The following ZFYVE9 variants were observed in gnomAD, a reference collection of about 807,000 sequenced individuals.
ZFYVE9 encodes the protein zinc finger FYVE-type containing 9, also known as zinc finger FYVE domain-containing protein 9.
A neutral mutation model predicts 126.7 loss-of-function variants in ZFYVE9; 43 were observed. The ratio of observed to expected loss-of-function variants is 0.34; its 90% CI spans 0.27 to 0.44. ZFYVE9 has a LOEUF of 0.44. Ranked by LOEUF, ZFYVE9 falls within the 20% of genes least tolerant of loss-of-function variation. ZFYVE9 has a pLI of 1.00. For synonymous variants in ZFYVE9, 521 were observed against 597.4 expected, an observed-to-expected ratio of 0.87 and a Z score of 1.87; for missense variants, 1,476 against 1,697.0, an observed-to-expected ratio of 0.87 and a Z score of 2.29.
chr1:52,322,678 G>A (rs1646252555), intron 13 of ZFYVE9, among the ~76,000 whole-genome samples: 1 of 150,350 alleles, frequency 6.7e-6, no homozygotes, highest in Non-Finnish European at 1.5e-5. Flanking sequence ...GCCCAGCCTG[G>A]TCCTTTCAAA....
intron 17 of ZFYVE9, among the ~76,000 whole-genome samples, chr1:52,342,214 G>T (rs1412647578): frequency 6.6e-6 from 1 of 151,406 alleles, no homozygotes. Flanking sequence ...TAAGCTAGGG[G>T]TTGCTATATA....
chr1:52,340,256 T>G (rs1646422003), intron 17 of ZFYVE9, 25 bp downstream of exon 17: 1 of 1,582,910 alleles, frequency 6.3e-7, no homozygotes, highest in African/African-American at 1.3e-5. Context: ...CTTGGCATAC[T>G]TGACCCACTT....
At chr1:52,204,099 C>T (rs1268044499) in intron 1 of ZFYVE9, among the ~76,000 whole-genome samples, 6 of 149,752 alleles carry the variant, frequency 4.0e-5, no homozygotes, top group African/African-American at 1.2e-4. Flanking sequence ...TTTTTTTTAA[C>T]CTTATGCCTT....
rs560127169 is a variant in ZFYVE9, at chr1:52,142,662, G to C, written c.-143+259G>C. On this transcript the variant is annotated intron_variant, in intron 1 of 18. Transcript: ENST00000287727. The surrounding 1 kb of genome is among the most constrained non-coding windows in gnomAD (Gnocchi z 4.5). Reference sequence around the variant, plus strand: ...CGCGGCCGGGTGTGTGGAGCTGGGGGCCGGCAGGAGCACGGCCGCCTTTCG... The same window carrying C: ...CGCGGCCGGGTGTGTGGAGCTGGGGCCCGGCAGGAGCACGGCCGCCTTTCG... Among the ~76,000 whole-genome samples, 3 of 152,254 alleles carry C rather than the reference G, an allele frequency of 2.0e-5. No individual in the cohort carries two copies. In the East Asian group the frequency reaches 5.9e-4, roughly 30 times the overall value.
At chr1:52,150,989 CTTT>C (rs57055558) in intron 1 of ZFYVE9, among the ~76,000 whole-genome samples, 1 of 127,630 alleles carries the variant, frequency 7.8e-6, no homozygotes. Context: ...TGATAATTGT[CTTT>C]TTTTTTTTTT....
chr1:52,170,049 G>T lies in ZFYVE9; in HGVS notation c.-143+27646G>T, dbSNP rs140484526. ...TAAGAAGATTTTGAAAAATTTTATT[G>T]CTCTTTTTTAAAAATTCTTCCTATC... On this transcript the variant is annotated intron_variant, in intron 1 of 18. Transcript: ENST00000287727. Among the ~76,000 whole-genome samples, 589 of 152,168 alleles carry T rather than the reference G, an allele frequency of 3.9e-3. 11 individuals carry two copies. The South Asian group carries it at 0.043, about 11-fold the overall frequency.
At chr1:52,211,224 T>C (rs1369802148) in intron 1 of ZFYVE9, among the ~76,000 whole-genome samples, 1 of 152,158 alleles carries the variant, frequency 6.6e-6, no homozygotes, top group Admixed American at 6.5e-5. Flanking sequence ...GAGGTAGTTG[T>C]GAATGTCTGC....
intron 18 of ZFYVE9, 182 bp from the exon 19 acceptor site, chr1:52,345,878 C>G (rs1486915612): frequency 9.4e-6 from 5 of 532,870 alleles, no homozygotes; most frequent in African/African-American, 7.6e-5. Flanking sequence ...GTCAAGTGGT[C>G]AGGAGGAGTA....
chr1:52,156,153 A>G (rs535225580), intron 1 of ZFYVE9, among the ~76,000 whole-genome samples: 2 of 152,348 alleles, frequency 1.3e-5, no homozygotes, highest in African/African-American at 2.4e-5. Flanking sequence ...TGTTTGTTCC[A>G]TGTGAAAGTG....
chr1:52,239,476 A>G lies in ZFYVE9; in HGVS notation c.2059A>G (p.Thr687Ala). Residue 687 changes from threonine (T) to alanine (A), a missense_variant, in exon 4 of 19, where the codon ACC (threonine) becomes GCC (alanine). By Grantham distance (58) the Thr-to-Ala change is moderately conservative. Around this residue, in one of 2 missense-constraint regions of ZFYVE9, gnomAD observed 807 missense variants for 794.6 expected, o/e 1.02. Transcript: ENST00000287727. ...QFGISARKPF[T>A]TLGEVAPVWV... is the part of the protein sequence containing the mutation. ...TGGAATTTCTGCCAGAAAGCCATTCACCACTCTGGGTGAGGTGGCTCCAGT... is the reference window on the plus strand; with the variant it reads ...TGGAATTTCTGCCAGAAAGCCATTCGCCACTCTGGGTGAGGTGGCTCCAGT... 6.2e-7 allele frequency: 1 copy of G among 1,614,140 alleles called. No individual in the cohort carries two copies. The highest frequency in any genetic ancestry group is 8.5e-7 in the Non-Finnish European group (1 of 1,180,000).
chr1:52,269,218 C>G (rs532541983), intron 7 of ZFYVE9, among the ~76,000 whole-genome samples: 69 of 152,242 alleles, frequency 4.5e-4, no homozygotes, highest in African/African-American at 1.5e-3. Flanking sequence ...CAACCTCTAC[C>G]TCCCAGGTTC....
chr1:52,171,929 AT>A (rs1398345473), intron 1 of ZFYVE9, among the ~76,000 whole-genome samples: 1 of 151,738 alleles, frequency 6.6e-6, no homozygotes, highest in Non-Finnish European at 1.5e-5. Flanking sequence ...GGTTGCGAAA[AT>A]TTTCTTCCAT....
intron 13 of ZFYVE9, among the ~76,000 whole-genome samples, chr1:52,314,064 A>T (rs1646161061): frequency 1.3e-5 from 2 of 152,234 alleles, no homozygotes; most frequent in Non-Finnish European, 2.9e-5. Flanking sequence ...AACAATGGTT[A>T]AAAAATTTCC....
intron 16 of ZFYVE9, among the ~76,000 whole-genome samples, chr1:52,338,390 G>A (rs1646407556): frequency 6.6e-6 from 1 of 152,196 alleles, no homozygotes; most frequent in Non-Finnish European, 1.5e-5. Context: ...TTCAAACTCT[G>A]TATTCTTTCT....
intron 1 of ZFYVE9, among the ~76,000 whole-genome samples, chr1:52,211,477 G>A (rs969695095): frequency 6.6e-6 from 1 of 152,226 alleles, no homozygotes; most frequent in African/African-American, 2.4e-5. Context: ...AAGATTGAAT[G>A]TGATTTTGTA....
In ZFYVE9 at chr1:52,222,649, G is replaced by A. The variant is rs180907238; in HGVS notation, c.-37+6175G>A. ...CAATTATATGTTTTAAACCTATCCT[G>A]GCTTCCAAGGGAATAGGGTATTGTT... On this transcript the variant is annotated intron_variant, in intron 2 of 18. Transcript: ENST00000287727. 3.9e-5 allele frequency among the ~76,000 whole-genome samples: 6 copies of A among 152,262 alleles called. No individual in the cohort carries two copies. The South Asian group carries it at 8.3e-4, about 21-fold the overall frequency.
intron 10 of ZFYVE9, among the ~76,000 whole-genome samples, chr1:52,282,735 T>G (rs991113763): frequency 1.3e-5 from 2 of 152,144 alleles, no homozygotes; most frequent in Non-Finnish European, 2.9e-5. Flanking sequence ...TTACCTAAAT[T>G]TAACACAAAA....
At chr1:52,185,890 A>C (rs950302873) in intron 1 of ZFYVE9, among the ~76,000 whole-genome samples, 1 of 150,040 alleles carries the variant, frequency 6.7e-6, no homozygotes, top group African/African-American at 2.5e-5. Context: ...ACTGCACTCC[A>C]GCCTGGGGAC....
intron 13 of ZFYVE9, among the ~76,000 whole-genome samples, chr1:52,316,764 C>T (rs889060766): frequency 1.3e-5 from 2 of 152,126 alleles, no homozygotes; most frequent in African/African-American, 2.4e-5. Flanking sequence ...TTCAATAACC[C>T]TGTGTCACTA....
Sources: gnomAD v4.1 joint callset for allele counts (sites outside exome capture counted in the v4.1 genomes callset) on GRCh38, gnomAD v4.1.1 for gene constraint, gnomAD v4.1.1 regional missense constraint, Gnocchi (gnomAD v3.1) non-coding constraint, MANE v1.5 for transcripts, NCBI Gene and HGNC (gene_info 2026-07-23, HGNC 2026-07-21) for gene names.